FAT2: variants seen among roughly 807,000 people sequenced by gnomAD.
The protein encoded by FAT2 is FAT atypical cadherin 2.
In FAT2, 150 loss-of-function variants were observed where a neutral mutation model predicts 295.3. The ratio of observed to expected loss-of-function variants is 0.51; its 90% CI spans 0.44 to 0.58. The LOEUF is 0.58. FAT2 is among the 20% of genes least tolerant of loss of function. The probability of loss-of-function intolerance (pLI) is 0.00; values close to 1 mark genes in which losing one functional copy is unlikely to be tolerated. For missense variants in FAT2, 4,868 were observed against 5,442.7 expected (o/e 0.89, Z 3.32); for synonymous variants, 2,026 against 2,150.3 (o/e 0.94, Z 1.60).
intron 23 of FAT2, 114 bp from the exon 24 acceptor site, chr5:151,506,211 T>C (rs1760860655): frequency 8.9e-7 from 1 of 1,127,678 alleles, no homozygotes; most frequent in Admixed American, 2.9e-5. Context: ...TGGGTGGGCA[T>C]AGGCCCATCT....
rs1399789869 is a variant in FAT2, at chr5:151,545,962, T to C, written c.5165A>G (p.Lys1722Arg). The change falls in exon 10 of 24, where the codon AAA becomes AGA. Residue 1722 changes from lysine (K) to arginine (R), a missense_variant. Physicochemically the swap from Lys to Arg is conservative, Grantham distance 26 (BLOSUM62 2). Coordinates refer to ENST00000261800, the MANE Select transcript of FAT2 (RefSeq NM_001447.3). ...ISTQKKLDHE[K>R]ISSYQLKIRG... ...GATTTTCAGCTGGTAAGACGAGATT[T>C]TCTCATGGTCCAATTTCTTCTGGGT... 6.2e-7 allele frequency: 1 copy of C among 1,614,190 alleles called. No homozygotes were observed. Among genetic ancestry groups the C allele is most frequent in the South Asian group, 1.1e-5 (1 of 91,070 alleles).
At position 151,573,426 on chromosome 5, in the gene FAT2, G is replaced by A. The variant is rs142863328; in HGVS notation, c.-20-4475C>T. Among the ~76,000 whole-genome samples the A allele has an allele frequency of 7.9e-4, 120 of 152,164 alleles. 2 individuals are homozygous for A. The highest frequency in any genetic ancestry group is 2.7e-3 in the African/African-American group (114 of 41,528). Reference sequence around the variant, plus strand: ...ATCTCAGGACTTTGGGAGGCCAAGCGGGGCAGATCACAAGGTCGGGAGATG... The same window carrying A: ...ATCTCAGGACTTTGGGAGGCCAAGCAGGGCAGATCACAAGGTCGGGAGATG... On this transcript the variant is annotated intron_variant, in intron 1 of 23. Transcript: ENST00000261800.
intron 11 of FAT2, among the ~76,000 whole-genome samples, chr5:151,538,779 A>G (rs10476988): frequency 0.092 from 13,991 of 151,306 alleles, 967 homozygotes; most frequent in African/African-American, 0.19. Context: ...CCAAATTCAA[A>G]CCATCTCCTG....
intron 12 of FAT2, among the ~76,000 whole-genome samples, chr5:151,537,430 GAGGAA>G (rs1336067890): frequency 2.1e-5 from 2 of 95,050 alleles, no homozygotes; most frequent in Non-Finnish European, 4.0e-5. Flanking sequence ...AAGGAAAGGA[GAGGAA>G]AGGAGAGGGG....
In FAT2 at chr5:151,566,729, C is replaced by G. The variant is rs764821667; in HGVS notation, c.2203G>C (p.Ala735Pro). The G allele has an allele frequency of 6.2e-7, 1 of 1,614,040 alleles. No homozygotes were observed. Residue 735 changes from alanine to proline, a missense_variant, in exon 2 of 24, where the codon GCC (alanine) becomes CCC (proline). Coordinates refer to ENST00000261800, the MANE Select transcript of FAT2 (RefSeq NM_001447.3). The part of the protein sequence containing the change: ...LESVPINTPL[A>P]RLAATDPDAG... ...TCAGGGTCAGTGGCTGCTAGGCGGG[C>G]CAAGGGGGTGTTGATAGGGACACTC...
At chr5:151,559,926 C>T (rs1208606576) in intron 3 of FAT2, among the ~76,000 whole-genome samples, 1 of 152,166 alleles carries the variant, frequency 6.6e-6, no homozygotes, top group Non-Finnish European at 1.5e-5. Context: ...GCATAGAAAA[C>T]CCCTCTCACC....
At chr5:151,507,947 A>G (rs1426635274) in intron 22 of FAT2, among the ~76,000 whole-genome samples, 2 of 152,152 alleles carry the variant, frequency 1.3e-5, no homozygotes, top group African/African-American at 4.8e-5. Flanking sequence ...CTCTCTAGCA[A>G]TGATGTCAGG....
intron 2 of FAT2, among the ~76,000 whole-genome samples, chr5:151,564,854 C>T (rs1758176623): frequency 6.6e-6 from 1 of 152,098 alleles, no homozygotes; most frequent in South Asian, 2.1e-4. Context: ...GGGTGGATCA[C>T]CTGAGGTCAG....
At chr5:151,551,189 A>G (rs998180051) in intron 7 of FAT2, among the ~76,000 whole-genome samples, 3 of 152,142 alleles carry the variant, frequency 2.0e-5, no homozygotes, top group Non-Finnish European at 4.4e-5. Context: ...CCACTTACCC[A>G]ACCATCATCC....
In FAT2 at chr5:151,540,624, C is replaced by T. The variant is rs200469726; in HGVS notation, c.8982G>A (p.Ser2994=). The change falls in exon 11 of 24, where the codon TCG becomes TCA. Residue 2994 remains serine, a synonymous_variant. Coordinates refer to ENST00000261800, the MANE Select transcript of FAT2 (RefSeq NM_001447.3). The stretch of plus-strand genomic sequence containing the variant: ...CCAGGACAAAGATCTCCACAGTGAC[C>T]GAAGCCTGGAACTTGCCATCAGATG... ...VTASDGKFQA[S]VTVEIFVLDV... 2.0e-5 allele frequency: 33 copies of T among 1,614,116 alleles called. 1 individual carries two copies. Among genetic ancestry groups the T allele is most frequent in the Admixed American group, 1.0e-4 (6 of 60,028 alleles).
chr5:151,506,104 G>C lies in FAT2; in HGVS notation c.12518-7C>G. The stretch of plus-strand genomic sequence containing the variant: ...ATGGCTCCGCCAGGGTACACTGAAA[G>C]GGAACAGCAAGATAGGGTGAGCTCA... On this transcript the variant is annotated splice_polypyrimidine_tract_variant and splice_region_variant and intron_variant, in intron 23 of 23. Coordinates refer to ENST00000261800, the MANE Select transcript of FAT2 (RefSeq NM_001447.3). 6.6e-7 allele frequency: 1 copy of C among 1,506,460 alleles called. No homozygotes were observed. Among genetic ancestry groups the C allele is most frequent in the Non-Finnish European group, 8.8e-7 (1 of 1,137,716 alleles). The allele number at this position is 1,506,460 out of a possible 1,614,324, so 93.3% of individuals were successfully genotyped here.
Position 151,545,871 on chromosome 5 carries a change from A to G in FAT2, c.5256T>C (p.Asn1752=), listed in dbSNP as rs1406245888. Residue 1752 remains asparagine (N), a synonymous_variant, in exon 10 of 24, where the codon AAT becomes AAC. Transcript: ENST00000261800. ...ACTTTAAGAACATAGGAGCATTGTC[A>G]TTTTCATCAATTATGTCAACCACCA... ...VMVVVDIIDE[N]DNAPMFLKST... 1.1e-5 allele frequency: 17 copies of G among 1,614,172 alleles called. No homozygotes were observed. In the East Asian group the frequency reaches 3.8e-4, roughly 36 times the overall value.
chr5:151,532,417 ACG>A (rs950107938), intron 13 of FAT2, among the ~76,000 whole-genome samples: 37 of 143,082 alleles, frequency 2.6e-4, no homozygotes, highest in African/African-American at 8.5e-4. Flanking sequence ...ACACACACAC[ACG>A]CAAATGAGTG....
intron 3 of FAT2, 146 bp downstream of exon 3, chr5:151,563,179 C>T (rs1304593112): frequency 1.1e-5 from 8 of 736,138 alleles, no homozygotes; most frequent in East Asian, 5.4e-5. Context: ...GCCTCACCCT[C>T]GAAATTTTGA....
chr5:151,550,695 T>C lies in FAT2; in HGVS notation c.4473A>G (p.Pro1491=). The C allele has an allele frequency of 6.2e-7, 1 of 1,614,190 alleles. No homozygotes were observed. The highest frequency in any genetic ancestry group is 8.5e-7 in the Non-Finnish European group (1 of 1,180,030). Reference sequence around the variant, plus strand: ...CCAGCTGGAAGAGGCTGGCACTTCCTGGGTCTTGGCTGCCATGTATGGTAT... The same window carrying C: ...CCAGCTGGAAGAGGCTGGCACTTCCCGGGTCTTGGCTGCCATGTATGGTAT... ...LIYTIHGSQD[P]GSASLFQLDP... is the part of the protein sequence containing the mutation. Residue 1491 remains proline, a synonymous_variant, in exon 8 of 24, where the codon CCA becomes CCG. Coordinates refer to ENST00000261800, the MANE Select transcript of FAT2 (RefSeq NM_001447.3).
chr5:151,556,661 A>G (rs1757718237), intron 3 of FAT2, among the ~76,000 whole-genome samples: 1 of 152,168 alleles, frequency 6.6e-6, no homozygotes, highest in African/African-American at 2.4e-5. Flanking sequence ...CAGTATTCAA[A>G]TACTGAAGTA....
chr5:151,590,528 G>A (rs952690859), intron 1 of FAT2, among the ~76,000 whole-genome samples: 3 of 152,174 alleles, frequency 2.0e-5, no homozygotes, highest in Non-Finnish European at 4.4e-5. Context: ...CAACTCCAGT[G>A]CTGTCTTGGT....
rs770207637 is a variant in FAT2, at chr5:151,545,806, T to C, written c.5321A>G (p.Tyr1774Cys). ...GTTGTTTTTATCCATGATCATGCTA[T>C]ACAGTGGAGCTGCTTCACTAATTTG... Reference protein sequence around the residue: ...VGQISEAAPLYSMIMDKNNNP... With the variant: ...VGQISEAAPLCSMIMDKNNNP... The change falls in exon 10 of 24, where the codon TAT becomes TGT. Residue 1774 changes from tyrosine (Y) to cysteine (C), a missense_variant. Tyr to Cys is a radical substitution (Grantham distance 194). Coordinates refer to ENST00000261800, the MANE Select transcript of FAT2 (RefSeq NM_001447.3). 1.4e-5 allele frequency: 23 copies of C among 1,614,242 alleles called. No homozygotes were observed. Among genetic ancestry groups the C allele is most frequent in the Non-Finnish European group, 1.4e-5 (17 of 1,180,036 alleles).
rs1754337717 is a variant in FAT2, at chr5:151,529,206, T to C, written c.9998A>G (p.Asn3333Ser). ...GAGGATGACGTCACCCACAAGGGCA[T>C]TCTCTAAGACCCTTGTGCTATATGG... ...QDPYSTRVLE[N>S]ALVGDVILTV... Residue 3333 changes from asparagine (N) to serine (S), a missense_variant, in exon 15 of 24, where the codon AAT (asparagine) becomes AGT (serine). Asn to Ser is a conservative substitution (Grantham distance 46, BLOSUM62 1). Around this residue, in one of 5 missense-constraint regions of FAT2, gnomAD observed 1,046 missense variants for 1,210.1 expected, o/e 0.86. Coordinates refer to ENST00000261800, the MANE Select transcript of FAT2 (RefSeq NM_001447.3). The C allele has an allele frequency of 6.2e-7, 1 of 1,613,988 alleles. No individual in the cohort carries two copies. Among genetic ancestry groups the C allele is most frequent in the South Asian group, 1.1e-5 (1 of 91,072 alleles).
Sources: gnomAD v4.1 joint callset for allele counts (sites outside exome capture counted in the v4.1 genomes callset) on GRCh38, gnomAD v4.1.1 for gene constraint, gnomAD v4.1.1 regional missense constraint, MANE v1.5 for transcripts, NCBI Gene and HGNC (gene_info 2026-07-23, HGNC 2026-07-21) for gene names.